USP34: variants seen among roughly 807,000 people sequenced by gnomAD.
USP34 encodes the protein ubiquitin carboxyl-terminal hydrolase 34.
A neutral mutation model predicts 460.3 loss-of-function variants in USP34; 70 were observed. The observed-to-expected ratio is 0.15, with a 90% CI of 0.13 to 0.19. The LOEUF is 0.19. USP34 is among the 10% of genes least tolerant of loss of function. The pLI is 1.00. For missense variants in USP34, 3,985 were observed against 4,236.2 expected (o/e 0.94, Z 1.65); for synonymous variants, 1,647 against 1,405.3 (o/e 1.17, Z -3.85).
At chr2:61,260,220 A>G (rs532894199) in intron 43 of USP34, among the ~76,000 whole-genome samples, 7 of 152,342 alleles carry the variant, frequency 4.6e-5, no homozygotes, top group African/African-American at 1.7e-4. Context: ...CTTCACACTG[A>G]AGAGGAATAC....
intron 59 of USP34, 91 bp downstream of exon 59, chr2:61,229,457 T>TAAAAAAAAAAAAAAAAAAAA (rs57231258): frequency 1.2e-4 from 47 of 382,178 alleles, no homozygotes; most frequent in African/African-American, 1.8e-4. Flanking sequence ...CCCTATCTCT[T>TAAAAAAAAAAAAAAAAAAAA]AAAAAAAAAA....
Position 61,280,251 on chromosome 2 carries a change from G to A in USP34, c.5249C>T (p.Ala1750Val). 6.5e-7 allele frequency: 1 copy of A among 1,537,200 alleles called. No homozygotes were observed. Among genetic ancestry groups the A allele is most frequent in the Non-Finnish European group, 8.8e-7 (1 of 1,139,754 alleles). The change falls in exon 39 of 80, where the codon GCT becomes GTT. Residue 1750 changes from alanine to valine, a missense_variant. Transcript: ENST00000398571. The part of the protein sequence containing the change: ...KLVDNIHIKD[A>V]SQTTLLDLDA... Reference sequence around the variant, plus strand: ...ATAATTTTCTGAACATACCTGACTAGCGTCCTTTATATGTATGTTGTCAAC... The same window carrying A: ...ATAATTTTCTGAACATACCTGACTAACGTCCTTTATATGTATGTTGTCAAC...
At position 61,248,665 on chromosome 2, in the gene USP34, C is replaced by A; in HGVS notation, c.6240G>T (p.Leu2080Phe). Reference sequence around the variant, plus strand: ...TAGTATTGAAACTCAAAATGCGAGGCAATTTCTTAAAACATGCCCTGAGAG... The same window carrying A: ...TAGTATTGAAACTCAAAATGCGAGGAAATTTCTTAAAACATGCCCTGAGAG... Reference protein sequence around the residue: ...RAEKRACFKKLPRILSFNTMR... With the variant: ...RAEKRACFKKFPRILSFNTMR... Residue 2080 changes from leucine (L) to phenylalanine (F), a missense_variant, in exon 49 of 80, where the codon TTG (leucine) becomes TTT (phenylalanine). By Grantham distance (22) the Leu-to-Phe change is conservative (BLOSUM62 0). Transcript: ENST00000398571. 2 of 1,562,760 alleles carry A rather than the reference C, an allele frequency of 1.3e-6. No homozygotes were observed. Among genetic ancestry groups the A allele is most frequent in the Non-Finnish European group, 8.7e-7 (1 of 1,150,948 alleles).
intron 1 of USP34, among the ~76,000 whole-genome samples, chr2:61,461,620 G>C (rs1188496549): frequency 7.2e-5 from 11 of 152,132 alleles, no homozygotes; most frequent in African/African-American, 2.4e-4. Context: ...CTCCTGAGTA[G>C]CTGGGAATAC....
Position 61,223,601 on chromosome 2 carries a change from T to C in USP34, c.7596-305A>G, listed in dbSNP as rs541003758. ...TTTTTTTTTTTTGACATGAGACCCT[T>C]CAAAACCAAATGGACTTCTAGAAAT... On this transcript the variant is annotated intron_variant, in intron 62 of 79. Transcript: ENST00000398571. The C allele has an allele frequency of 8.1e-5, 20 of 246,992 alleles. 1 individual carries two copies. The South Asian group carries it at 1.5e-3, about 19-fold the overall frequency. 15.3% of individuals were successfully genotyped at this position (246,992 alleles called of 1,614,324 possible). A position where few individuals can be genotyped will look rare whatever the true frequency, so the allele number is the denominator to read the frequency against.
At chr2:61,395,089 C>G in intron 4 of USP34, 87 bp from the exon 5 acceptor site, 3 of 1,454,524 alleles carry the variant, frequency 2.1e-6, no homozygotes, top group Middle Eastern at 1.9e-4. Flanking sequence ...TGATGAGAAA[C>G]TCAAAAGACA....
Position 61,343,950 on chromosome 2 carries a change from T to C in USP34, c.2365A>G (p.Met789Val). Residue 789 changes from methionine to valine, a missense_variant, in exon 16 of 80, where the codon ATG becomes GTG. Physicochemically the swap from Met to Val is conservative, Grantham distance 21. Coordinates refer to ENST00000398571, the MANE Select transcript of USP34 (RefSeq NM_014709.4). ...SQVSAKSEKN[M>V]ADFDGEESGC... is the part of the protein sequence containing the mutation. ...GATTCTTCACCATCAAAATCAGCCA[T>C]ATTTTTTTCTGATTTTGCACTAACC... The C allele has an allele frequency of 1.2e-6, 2 of 1,613,972 alleles. No homozygotes were observed. Among genetic ancestry groups the C allele is most frequent in the Non-Finnish European group, 1.7e-6 (2 of 1,179,926 alleles).
In USP34 at chr2:61,383,559, C is replaced by T. The variant is rs907895983; in HGVS notation, c.754-223G>A. 3.2e-4 allele frequency among the ~76,000 whole-genome samples: 49 copies of T among 151,842 alleles called. 1 individual carries two copies. The highest frequency in any genetic ancestry group is 2.6e-3 in the Admixed American group (39 of 15,234). ...ATCTACTAAAAACACAAAAATTAGC[C>T]GGGCATGGTGGCGCGCACCTGTAGT... On this transcript the variant is annotated intron_variant, in intron 5 of 79. Transcript: ENST00000398571.
intron 53 of USP34, among the ~76,000 whole-genome samples, chr2:61,240,121 T>G (rs1436977013): frequency 4.6e-5 from 7 of 151,922 alleles, no homozygotes; most frequent in Non-Finnish European, 1.5e-5. Flanking sequence ...TTTAATCAGG[T>G]GTGCATTTCT....
chr2:61,378,478 T>A, intron 7 of USP34, 54 bp from the exon 8 acceptor site: 1 of 1,240,350 alleles, frequency 8.1e-7, no homozygotes. Context: ...TATTCTTGCA[T>A]TTGTCAGCAA....
chr2:61,433,698 A>G (rs1353293364), intron 1 of USP34, among the ~76,000 whole-genome samples: 2 of 152,124 alleles, frequency 1.3e-5, no homozygotes, highest in East Asian at 3.8e-4. Flanking sequence ...CCCAATTTAG[A>G]CAACTGCTGG....
chr2:61,402,252 C>T (rs1262556139), intron 3 of USP34, among the ~76,000 whole-genome samples: 1 of 152,038 alleles, frequency 6.6e-6, no homozygotes, highest in Non-Finnish European at 1.5e-5. Flanking sequence ...CGCACTCCAG[C>T]CTGGGAGACA....
intron 1 of USP34, among the ~76,000 whole-genome samples, chr2:61,437,858 G>A (rs1011186699): frequency 3.3e-5 from 5 of 151,522 alleles, no homozygotes; most frequent in African/African-American, 1.2e-4. Flanking sequence ...GATTGAATCA[G>A]TAACAAAAAG....
At chr2:61,199,091 T>C (rs1182095842) in intron 75 of USP34, among the ~76,000 whole-genome samples, 1 of 152,226 alleles carries the variant, frequency 6.6e-6, no homozygotes, top group Admixed American at 6.5e-5. Flanking sequence ...ATTCAGTTTA[T>C]GGCATTTTCA....
intron 49 of USP34, among the ~76,000 whole-genome samples, chr2:61,247,385 G>C (rs551204278): frequency 1.4e-4 from 21 of 152,102 alleles, no homozygotes; most frequent in African/African-American, 4.8e-4. Context: ...TGCTTATGGA[G>C]GCAGTGCCAG....
At chr2:61,267,409 A>G (rs1162831351) in intron 41 of USP34, among the ~76,000 whole-genome samples, 1 of 151,976 alleles carries the variant, frequency 6.6e-6, no homozygotes, top group Non-Finnish European at 1.5e-5. Context: ...AGAAACGTTA[A>G]GTTTAGCTAG....
intron 29 of USP34, among the ~76,000 whole-genome samples, chr2:61,299,334 C>G (rs138156649): frequency 2.0e-4 from 30 of 152,240 alleles, no homozygotes; most frequent in Non-Finnish European, 3.5e-4. Flanking sequence ...AATTGTGATT[C>G]ACTGCATAAG....
chr2:61,293,197 A>G (rs1014652361), intron 33 of USP34, among the ~76,000 whole-genome samples: 3 of 152,050 alleles, frequency 2.0e-5, no homozygotes, highest in Non-Finnish European at 4.4e-5. Context: ...ATATTAATAT[A>G]TAATTTATCA....
intron 15 of USP34, among the ~76,000 whole-genome samples, chr2:61,345,559 C>T (rs1053795845): frequency 2.6e-5 from 4 of 152,202 alleles, no homozygotes; most frequent in Non-Finnish European, 5.9e-5. Context: ...TAACACTTAT[C>T]GAGCACTTAT....
Sources: gnomAD v4.1 joint callset for allele counts (sites outside exome capture counted in the v4.1 genomes callset) on GRCh38, gnomAD v4.1.1 for gene constraint, MANE v1.5 for transcripts, NCBI Gene and HGNC (gene_info 2026-07-23, HGNC 2026-07-21) for gene names.